Variants in STK32B observed in about 807,000 individuals in gnomAD.
STK32B encodes serine/threonine-protein kinase 32B.
Under a neutral mutation model 52.6 loss-of-function variants are expected in STK32B, and 43 were observed. The ratio of observed to expected loss-of-function variants is 0.82; its 90% CI spans 0.64 to 1.05. The LOEUF (loss-of-function observed/expected upper bound fraction) is 1.05. STK32B is among the 50% of genes least tolerant of loss of function. The pLI is 0.00. For synonymous variants in STK32B, 238 were observed against 204.3 expected, an observed-to-expected ratio of 1.17 and a Z score of -1.41; for missense variants, 621 against 534.6, an observed-to-expected ratio of 1.16 and a Z score of -1.59.
chr4:5,332,141 A>G (rs149711808), intron 4 of STK32B, among the ~76,000 whole-genome samples: 12 of 152,338 alleles, frequency 7.9e-5, no homozygotes, highest in African/African-American at 2.9e-4. Context: ...CTTCTAGGTA[A>G]AGATGACAGA....
intron 3 of STK32B, among the ~76,000 whole-genome samples, chr4:5,238,223 T>G (rs1399622870): frequency 6.6e-6 from 1 of 152,126 alleles, no homozygotes; most frequent in East Asian, 1.9e-4. Context: ...GAGCTGTGCT[T>G]TCTCTGAAAT....
Position 5,077,471 on chromosome 4 carries a change from T to G in STK32B, c.52+25556T>G, listed in dbSNP as rs11930520. 3.8e-3 allele frequency among the ~76,000 whole-genome samples: 573 copies of G among 152,240 alleles called. 3 individuals carry two copies. The highest frequency in any genetic ancestry group is 0.013 in the African/African-American group (553 of 41,542). ...CTCAAAACAGCTTTGGAATTCTCTT[T>G]AAGACACTTCCAGGCAGCTTCTCTG... is the stretch of plus-strand genomic sequence containing the variant. On this transcript the variant is annotated intron_variant, in intron 1 of 11. Transcript: ENST00000282908.
At chr4:5,244,876 G>T (rs906364759) in intron 3 of STK32B, among the ~76,000 whole-genome samples, 2 of 152,194 alleles carry the variant, frequency 1.3e-5, no homozygotes, top group Non-Finnish European at 2.9e-5. Flanking sequence ...TTTCCATGTA[G>T]TTGAGCGGTT....
chr4:5,182,028 A>C (rs563368088), intron 3 of STK32B, among the ~76,000 whole-genome samples: 9 of 152,360 alleles, frequency 5.9e-5, no homozygotes, highest in East Asian at 1.9e-4. Context: ...TGATATTCTA[A>C]ATCCTTTGTT....
chr4:5,135,358 T>G (rs1257818030), intron 1 of STK32B, among the ~76,000 whole-genome samples: 1 of 152,172 alleles, frequency 6.6e-6, no homozygotes, highest in Non-Finnish European at 1.5e-5. Context: ...GGAGTGAGAA[T>G]CCAAATCCAG....
At chr4:5,140,277 T>C in intron 2 of STK32B, 12 of 1,374,242 alleles carry the variant, frequency 8.7e-6, no homozygotes, top group Non-Finnish European at 1.1e-5. Context: ...AAGGCAGCTC[T>C]TTCCAGCAAC....
At chr4:5,452,874 C>T (rs1257975605) in intron 7 of STK32B, among the ~76,000 whole-genome samples, 1 of 152,070 alleles carries the variant, frequency 6.6e-6, no homozygotes, top group Non-Finnish European at 1.5e-5. Context: ...CTTTTACCAG[C>T]AGTACATGGA....
At chr4:5,461,232 G>A (rs1281827967) in intron 9 of STK32B, among the ~76,000 whole-genome samples, 2 of 152,138 alleles carry the variant, frequency 1.3e-5, no homozygotes, top group African/African-American at 4.8e-5. Context: ...CGGTAGCAGT[G>A]GTGTGAGCAG....
At chr4:5,188,822 A>C (rs1720947934) in intron 3 of STK32B, among the ~76,000 whole-genome samples, 1 of 124,648 alleles carries the variant, frequency 8.0e-6, no homozygotes, top group African/African-American at 2.9e-5. Flanking sequence ...CTGGTGTAAC[A>C]TGGACACAGG....
chr4:5,371,702 T>G (rs1267865784), intron 4 of STK32B, among the ~76,000 whole-genome samples: 1 of 152,168 alleles, frequency 6.6e-6, no homozygotes, highest in Non-Finnish European at 1.5e-5. Context: ...ACAGGGTCTT[T>G]GTCAAAATTA....
intron 4 of STK32B, among the ~76,000 whole-genome samples, chr4:5,348,867 G>C (rs1343112178): frequency 6.6e-6 from 1 of 152,114 alleles, no homozygotes; most frequent in Non-Finnish European, 1.5e-5. Context: ...ATCCAACCCA[G>C]TCCACCACTG....
At chr4:5,221,065 T>C (rs1723497933) in intron 3 of STK32B, among the ~76,000 whole-genome samples, 1 of 152,188 alleles carries the variant, frequency 6.6e-6, no homozygotes, top group African/African-American at 2.4e-5. Context: ...TGAGTGTTCC[T>C]CTGAGGGTGC....
chr4:5,245,941 C>T (rs1401380979), intron 3 of STK32B, among the ~76,000 whole-genome samples: 1 of 152,190 alleles, frequency 6.6e-6, no homozygotes, highest in Admixed American at 6.5e-5. Context: ...CTGAGAGATC[C>T]ACTGTTAGTC....
At chr4:5,300,088 G>A (rs1266424125) in intron 3 of STK32B, among the ~76,000 whole-genome samples, 1 of 152,088 alleles carries the variant, frequency 6.6e-6, no homozygotes, top group African/African-American at 2.4e-5. Flanking sequence ...AAGTTAATTG[G>A]CCATGATCAA....
chr4:5,320,310 C>T (rs1004968454), intron 3 of STK32B, among the ~76,000 whole-genome samples: 8 of 152,150 alleles, frequency 5.3e-5, no homozygotes, highest in South Asian at 2.1e-4. Context: ...CCCTGCAGAA[C>T]GCCTCTGCAC....
intron 9 of STK32B, among the ~76,000 whole-genome samples, chr4:5,463,540 GCC>G (rs1577548446): frequency 6.6e-6 from 1 of 151,638 alleles, no homozygotes; most frequent in African/African-American, 2.4e-5. Flanking sequence ...ATGCACACGT[GCC>G]CCCACACACA....
chr4:5,465,890 TTATAGA>T (rs1254160153), intron 9 of STK32B, among the ~76,000 whole-genome samples: 3 of 152,076 alleles, frequency 2.0e-5, no homozygotes, highest in Admixed American at 6.5e-5. Context: ...TTGGAGTACT[TTATAGA>T]TATTATATTA....
intron 3 of STK32B, among the ~76,000 whole-genome samples, chr4:5,293,946 A>T (rs996246473): frequency 3.9e-5 from 6 of 152,074 alleles, no homozygotes; most frequent in Admixed American, 1.3e-4. Flanking sequence ...TCTTTAATCC[A>T]TCTTGAGTTA....
At chr4:5,444,539 G>A (rs1419496608) in intron 6 of STK32B, among the ~76,000 whole-genome samples, 1 of 152,184 alleles carries the variant, frequency 6.6e-6, no homozygotes, top group East Asian at 1.9e-4. Context: ...ACCTCAGATG[G>A]AAATGCAGAA....
Sources: allele counts gnomAD v4.1 joint callset (sites outside exome capture counted in the v4.1 genomes callset), GRCh38; gene constraint gnomAD v4.1.1; transcripts MANE v1.5; gene names NCBI Gene and HGNC (gene_info 2026-07-23, HGNC 2026-07-21).